FBN2: variants seen among roughly 807,000 people sequenced by gnomAD.
The protein encoded by FBN2 is fibrillin 2.
FBN2 carries 105 observed loss-of-function variants against 355.6 expected under a neutral mutation model. The ratio of observed to expected loss-of-function variants is 0.30; its 90% CI spans 0.25 to 0.35. The LOEUF (loss-of-function observed/expected upper bound fraction) is 0.35. Among genes scored for constraint, FBN2 ranks in the 10% least tolerant of loss-of-function variants. The pLI is 1.00. For missense variants in FBN2, 3,280 were observed against 3,758.7 expected, an observed-to-expected ratio of 0.87 and a Z score of 3.33; for synonymous variants, 1,350 against 1,301.2, an observed-to-expected ratio of 1.04 and a Z score of -0.81.
intron 19 of FBN2, among the ~76,000 whole-genome samples, chr5:128,359,834 T>A (rs898967142): frequency 1.3e-5 from 2 of 150,042 alleles, no homozygotes; most frequent in African/African-American, 4.9e-5. Flanking sequence ...GAGTCTCTGA[T>A]TTTACCTTCT....
chr5:128,425,974 G>A (rs1476931559), intron 7 of FBN2, among the ~76,000 whole-genome samples: 3 of 152,090 alleles, frequency 2.0e-5, no homozygotes, highest in African/African-American at 2.4e-5. Context: ...CATAGACCTA[G>A]CTGTGTATAT....
At chr5:128,328,624 C>A in intron 34 of FBN2, 72 bp downstream of exon 34, 1 of 1,543,666 alleles carries the variant, frequency 6.5e-7, no homozygotes. Context: ...GGAGCTTGTT[C>A]CAGCCCTTGT....
At chr5:128,366,921 T>C (rs1180705031) in intron 16 of FBN2, among the ~76,000 whole-genome samples, 2 of 152,182 alleles carry the variant, frequency 1.3e-5, no homozygotes, top group Admixed American at 1.3e-4. Flanking sequence ...AGAAGTGCAG[T>C]AACTTGACCA....
intron 8 of FBN2, among the ~76,000 whole-genome samples, chr5:128,397,609 T>A (rs1265760706): frequency 6.6e-6 from 1 of 152,182 alleles, no homozygotes; most frequent in Admixed American, 6.5e-5. Context: ...GCAGCTTTCA[T>A]GGTGAATTAG....
At chr5:128,527,755 G>A in intron 4 of FBN2, 117 bp downstream of exon 4, 1 of 734,450 alleles carries the variant, frequency 1.4e-6, no homozygotes, top group East Asian at 2.8e-5. Flanking sequence ...TTAAGGTATG[G>A]TTTACTACAT....
rs1226689999 is a variant in FBN2 at position 128,280,269 on chromosome 5, C to G, written c.7061G>C (p.Cys2354Ser). 6.2e-7 allele frequency: 1 copy of G among 1,611,820 alleles called. No individual in the cohort carries two copies. The highest frequency in any genetic ancestry group is 8.5e-7 in the Non-Finnish European group (1 of 1,178,088). Residue 2354 changes from cysteine (C) to serine (S), a missense_variant, in exon 56 of 65, where the codon TGT becomes TCT. Physicochemically the swap from Cys to Ser is moderately radical, Grantham distance 112. Coordinates refer to ENST00000262464, the MANE Select transcript of FBN2 (RefSeq NM_001999.4). ...TCTATAGCTTCCAATAATGTTAACA[C>G]AACGTCCATTTTCACAGATTCCTGG... The part of the protein sequence containing the change: ...TKPGICENGR[C>S]VNIIGSYRCE...
intron 39 of FBN2, 102 bp downstream of exon 39, chr5:128,311,198 T>G: frequency 1.6e-6 from 2 of 1,269,068 alleles, no homozygotes; most frequent in South Asian, 2.4e-5. Flanking sequence ...CCAATCTTAA[T>G]TGAGCCTTTT....
intron 7 of FBN2, among the ~76,000 whole-genome samples, chr5:128,434,356 T>G (rs1224620839): frequency 7.3e-6 from 1 of 137,114 alleles, no homozygotes; most frequent in Non-Finnish European, 1.5e-5. Context: ...TCTCCAGACC[T>G]GCATACATTT....
chr5:128,419,884 G>T (rs1276802498), intron 7 of FBN2, among the ~76,000 whole-genome samples: 1 of 152,056 alleles, frequency 6.6e-6, no homozygotes, highest in African/African-American at 2.4e-5. Flanking sequence ...TAGTAGAGAT[G>T]AGGTTTCTCC....
intron 48 of FBN2, among the ~76,000 whole-genome samples, chr5:128,300,261 G>A (rs368223566): frequency 1.1e-4 from 17 of 152,272 alleles, no homozygotes; most frequent in South Asian, 6.2e-4. Context: ...AAAAAAGGTC[G>A]GACTTCATCA....
chr5:128,514,956 C>T (rs1022667709), intron 5 of FBN2, among the ~76,000 whole-genome samples: 10 of 152,198 alleles, frequency 6.6e-5, no homozygotes, highest in African/African-American at 2.2e-4. Context: ...AGCTTGTTCT[C>T]GTCACCATAT....
At chr5:128,317,611 G>C (rs1750241961) in intron 36 of FBN2, among the ~76,000 whole-genome samples, 1 of 152,096 alleles carries the variant, frequency 6.6e-6, no homozygotes, top group Non-Finnish European at 1.5e-5. Flanking sequence ...TAACAGTGCA[G>C]ATAGTAAAAG....
intron 5 of FBN2, among the ~76,000 whole-genome samples, chr5:128,497,224 G>A (rs1156231121): frequency 6.6e-6 from 1 of 152,108 alleles, no homozygotes; most frequent in African/African-American, 2.4e-5. Context: ...GTCAACACCT[G>A]GAATACCAAA....
chr5:128,289,889 T>A lies in FBN2; in HGVS notation c.6504A>T (p.Thr2168=). 1 of 1,572,418 alleles carries A rather than the reference T, an allele frequency of 6.4e-7. No homozygotes were observed. The highest frequency in any genetic ancestry group is 8.8e-7 in the Non-Finnish European group (1 of 1,142,260). The change falls in exon 51 of 65, where the codon ACA becomes ACT. Residue 2168 remains threonine (T), a synonymous_variant. Transcript: ENST00000262464. ...GHGTVPSLHD[T]REDVNECLES... is the part of the protein sequence containing the mutation. ...AAATATATCAAAGCGTACCTTCACG[T>A]GTATCATGAAGACTAGGGACAGTTC...
intron 7 of FBN2, among the ~76,000 whole-genome samples, chr5:128,425,060 G>A (rs987002751): frequency 1.3e-5 from 2 of 150,864 alleles, no homozygotes. Context: ...TTTTCGGGGG[G>A]AGGTAATTTA....
intron 7 of FBN2, among the ~76,000 whole-genome samples, chr5:128,436,171 T>C (rs1166290685): frequency 2.0e-5 from 3 of 152,174 alleles, no homozygotes; most frequent in Non-Finnish European, 4.4e-5. Flanking sequence ...CAACTTCTGA[T>C]AAATATGCTA....
chr5:128,338,486 A>G (rs1462744625), intron 26 of FBN2, among the ~76,000 whole-genome samples: 1 of 152,194 alleles, frequency 6.6e-6, no homozygotes, highest in Non-Finnish European at 1.5e-5. Context: ...ATAACCTACT[A>G]TATCCTATGA....
intron 6 of FBN2, among the ~76,000 whole-genome samples, chr5:128,460,655 C>T (rs576495983): frequency 3.3e-5 from 5 of 152,154 alleles, no homozygotes; most frequent in Non-Finnish European, 5.9e-5. Flanking sequence ...GGAACCAAAA[C>T]AAACATACAG....
At position 128,398,574 on chromosome 5, in the gene FBN2, G is replaced by A. The variant is rs944065194; in HGVS notation, c.1079-3300C>T. Among the ~76,000 whole-genome samples the A allele has an allele frequency of 9.2e-5, 14 of 152,140 alleles. No homozygotes were observed. The South Asian group carries it at 2.7e-3, about 29-fold the overall frequency. ...GCACATGGATAAAGAAAATTACTGA[G>A]TTGGCAGATATATATGAATATATTA... On this transcript the variant is annotated intron_variant, in intron 8 of 64. Transcript: ENST00000262464.
Sources: gnomAD v4.1 joint callset for allele counts (sites outside exome capture counted in the v4.1 genomes callset) on GRCh38, gnomAD v4.1.1 for gene constraint, MANE v1.5 for transcripts, NCBI Gene and HGNC (gene_info 2026-07-23, HGNC 2026-07-21) for gene names.